Variants in HIVEP3 observed in about 807,000 individuals in gnomAD.
The protein encoded by HIVEP3 is HIVEP zinc finger 3, also known as transcription factor HIVEP3.
Under a neutral mutation model 152.8 loss-of-function variants are expected in HIVEP3, and 49 were observed. That is an observed-to-expected ratio of 0.32 (90% CI 0.26 to 0.41). The LOEUF (loss-of-function observed/expected upper bound fraction) is 0.41. Ranked by LOEUF, HIVEP3 falls within the 10% of genes least tolerant of loss-of-function variation. HIVEP3 has a pLI of 1.00. For synonymous variants in HIVEP3, 1,269 were observed against 1,289.0 expected (o/e 0.98, Z 0.33); for missense variants, 2,790 against 3,103.3 (o/e 0.90, Z 2.40).
chr1:41,756,759 A>C (rs963849207), intron 1 of HIVEP3, among the ~76,000 whole-genome samples: 8 of 152,220 alleles, frequency 5.3e-5, no homozygotes, highest in Non-Finnish European at 7.3e-5. Flanking sequence ...AAAAAATAAA[A>C]AGTTATATGA....
chr1:41,722,403 G>GCCTGCCTTCCTT lies in HIVEP3; in HGVS notation c.-800-21409_-800-21408insAAGGAAGGCAGG, dbSNP rs1553253035. ...GAGATCAGCAAAATAAATTTGGCTG[G>GCCTGCCTTCCTT]CCTTCCTTCCTTCCTTCCTTCCTTC... On this transcript the variant is annotated intron_variant, in intron 1 of 8. Transcript: ENST00000372583. Among the ~76,000 whole-genome samples, 568 of 113,026 alleles carry GCCTGCCTTCCTT rather than the reference G, an allele frequency of 5.0e-3. 4 individuals are homozygous for GCCTGCCTTCCTT. The highest frequency in any genetic ancestry group is 0.016 in the African/African-American group (435 of 27,612). The allele number at this position is 113,026 out of a possible 152,430, so 74.1% of individuals were successfully genotyped here. A position where few individuals can be genotyped will look rare whatever the true frequency, so the allele number is the denominator to read the frequency against.
At position 41,510,680 on chromosome 1, in the gene HIVEP3, C is replaced by CG. The variant is rs1558012224; in HGVS notation, c.6991dup (p.Arg2331ProfsTer69). The CG allele has an allele frequency of 6.6e-7, 1 of 1,522,728 alleles. No homozygotes were observed. The allele number at this position is 1,522,728 out of a possible 1,614,324, so 94.3% of individuals were successfully genotyped here. The stretch of plus-strand genomic sequence containing the variant: ...GGTCGGTGCACGCGGGGACTCCAAG[C>CG]GGGGGCTCCAGGACTGCGCTGCCCG... On this transcript the variant is annotated frameshift_variant, in exon 9 of 9. Coordinates refer to ENST00000372583, the MANE Select transcript of HIVEP3 (RefSeq NM_024503.5). LOFTEE classifies it high-confidence loss of function.
intron 1 of HIVEP3, among the ~76,000 whole-genome samples, chr1:42,023,042 T>G (rs1645563178): frequency 6.6e-6 from 1 of 152,220 alleles, no homozygotes; most frequent in African/African-American, 2.4e-5. Context: ...TTTTATTTAT[T>G]TATTTTGACA....
intron 2 of HIVEP3, among the ~76,000 whole-genome samples, chr1:41,678,410 C>T (rs923705478): frequency 5.9e-5 from 9 of 152,144 alleles, no homozygotes; most frequent in Admixed American, 3.9e-4. Context: ...TTAGAAGTCC[C>T]ATTCCCACCA....
At chr1:41,857,537 A>G (rs553037511) in intron 1 of HIVEP3, among the ~76,000 whole-genome samples, 3 of 152,322 alleles carry the variant, frequency 2.0e-5, no homozygotes, top group African/African-American at 7.2e-5. Flanking sequence ...ATGATGTTCT[A>G]AAGGATGTAC....
intron 1 of HIVEP3, among the ~76,000 whole-genome samples, chr1:41,942,984 C>T (rs1398728594): frequency 6.6e-6 from 1 of 152,060 alleles, no homozygotes. Context: ...ACTGCAAGCT[C>T]GGCCTCCCGG....
chr1:41,823,522 C>G (rs953989747), intron 1 of HIVEP3, among the ~76,000 whole-genome samples: 2 of 152,222 alleles, frequency 1.3e-5, no homozygotes, highest in African/African-American at 4.8e-5. Flanking sequence ...TTGGCCATCT[C>G]CTTGTAATTT....
At chr1:41,883,716 C>T (rs140238229) in intron 1 of HIVEP3, among the ~76,000 whole-genome samples, 17 of 152,272 alleles carry the variant, frequency 1.1e-4, no homozygotes, top group Non-Finnish European at 1.5e-4. Context: ...GCTGTTGGCA[C>T]GGCCTGCTCT....
chr1:41,994,910 G>A (rs638734), intron 1 of HIVEP3, among the ~76,000 whole-genome samples: 120,355 of 151,942 alleles, frequency 0.79, 48,286 homozygotes, highest in East Asian at 0.96. Context: ...AGAAAAAAAA[G>A]GATCAATGAC....
chr1:41,732,734 G>A (rs186912123), intron 1 of HIVEP3, among the ~76,000 whole-genome samples: 309 of 152,252 alleles, frequency 2.0e-3, no homozygotes, highest in African/African-American at 6.7e-3. Flanking sequence ...CCTGGACCGC[G>A]ACGCTCTATC....
intron 2 of HIVEP3, among the ~76,000 whole-genome samples, chr1:41,647,291 G>A (rs1011905764): frequency 6.6e-6 from 1 of 152,194 alleles, no homozygotes. Flanking sequence ...TGGGGTTTTG[G>A]AAGGAAGGTG....
intron 1 of HIVEP3, among the ~76,000 whole-genome samples, chr1:41,805,746 G>T (rs1650565657): frequency 6.6e-6 from 1 of 152,216 alleles, no homozygotes; most frequent in African/African-American, 2.4e-5. Context: ...AAGGGAATAA[G>T]GCATAAGCTA....
chr1:41,520,277 G>A (rs1388727038), intron 6 of HIVEP3, among the ~76,000 whole-genome samples: 1 of 152,204 alleles, frequency 6.6e-6, no homozygotes, highest in Non-Finnish European at 1.5e-5. Context: ...GAGGGGAGCT[G>A]TTTCCTTTCC....
Position 41,646,455 on chromosome 1 carries a change from C to T in HIVEP3, c.-720-17508G>A, listed in dbSNP as rs564662908. 2.0e-4 allele frequency among the ~76,000 whole-genome samples: 31 copies of T among 152,266 alleles called. No homozygotes were observed. The South Asian group carries it at 6.4e-3, about 32-fold the overall frequency. On this transcript the variant is annotated intron_variant, in intron 2 of 8. Coordinates refer to ENST00000372583, the MANE Select transcript of HIVEP3 (RefSeq NM_024503.5). ...GAGATGTTCCTTGCAGGAGATGGGACGGGAGCCTTGAGAAACAGGAGGGCT... is the reference window on the plus strand; with the variant it reads ...GAGATGTTCCTTGCAGGAGATGGGATGGGAGCCTTGAGAAACAGGAGGGCT...
At chr1:41,512,447 C>T (rs904076052) in intron 8 of HIVEP3, among the ~76,000 whole-genome samples, 6 of 152,212 alleles carry the variant, frequency 3.9e-5, no homozygotes, top group Admixed American at 6.5e-5. Context: ...GCTGGCACCA[C>T]GCTTCCTGTA....
chr1:41,559,579 C>T (rs1644024971), intron 5 of HIVEP3, among the ~76,000 whole-genome samples: 1 of 152,170 alleles, frequency 6.6e-6, no homozygotes, highest in African/African-American at 2.4e-5. Context: ...CTGATCCCAC[C>T]ACCACACCAT....
chr1:41,805,957 T>TC, intron 1 of HIVEP3, among the ~76,000 whole-genome samples: 2 of 152,056 alleles, frequency 1.3e-5, no homozygotes, highest in Admixed American at 1.3e-4. Flanking sequence ...TGAGCCTGAT[T>TC]CCCCCCACTC....
intron 2 of HIVEP3, among the ~76,000 whole-genome samples, chr1:41,685,121 C>G (rs747491515): frequency 2.0e-5 from 3 of 152,196 alleles, no homozygotes; most frequent in Admixed American, 1.3e-4. Flanking sequence ...GAAAAATTGG[C>G]ACTCCCCCAG....
intron 3 of HIVEP3, among the ~76,000 whole-genome samples, chr1:41,600,863 G>A (rs1349334263): frequency 2.0e-5 from 3 of 152,000 alleles, no homozygotes; most frequent in Non-Finnish European, 4.4e-5. Flanking sequence ...TACAGTCTTA[G>A]GTTTTACATC....
Sources: gnomAD v4.1 joint callset for allele counts (sites outside exome capture counted in the v4.1 genomes callset) on GRCh38, gnomAD v4.1.1 for gene constraint, MANE v1.5 for transcripts, NCBI Gene and HGNC (gene_info 2026-07-23, HGNC 2026-07-21) for gene names.